The following AGBL1 variants were observed in gnomAD, a reference collection of about 807,000 sequenced individuals.
The protein encoded by AGBL1 is AGBL carboxypeptidase 1, also known as cytosolic carboxypeptidase 4.
AGBL1 carries 130 observed loss-of-function variants against 118.9 expected under a neutral mutation model. That is an observed-to-expected ratio of 1.09 (90% confidence interval 0.95 to 1.26). The LOEUF (loss-of-function observed/expected upper bound fraction) is 1.26, where lower values mean the gene tolerates loss of function less well. Ranked by LOEUF, AGBL1 falls within the 50% of genes most tolerant of loss-of-function variation. The probability of loss-of-function intolerance (pLI) is 0.00; values close to 1 mark genes in which losing one functional copy is unlikely to be tolerated. For missense variants in AGBL1, 1,584 were observed against 1,298.1 expected, an observed-to-expected ratio of 1.22 and a Z score of -3.38; for synonymous variants, 555 against 478.9, an observed-to-expected ratio of 1.16 and a Z score of -2.08.
intron 17 of AGBL1, among the ~76,000 whole-genome samples, chr15:86,353,446 G>A (rs972962663): frequency 6.6e-6 from 1 of 152,182 alleles, no homozygotes; most frequent in Non-Finnish European, 1.5e-5. Context: ...ATTTCCTAAT[G>A]AAAGGAAAAG....
At chr15:86,919,643 A>C (rs964923546), downstream of AGBL1, among the ~76,000 whole-genome samples, 16 of 151,810 alleles carry the variant, frequency 1.1e-4, no homozygotes, top group African/African-American at 3.9e-4. Context: ...CTCTTATATG[A>C]ATGAAGAAAA....
chr15:86,307,956 T>C (rs1177618931), intron 17 of AGBL1, among the ~76,000 whole-genome samples: 1 of 152,150 alleles, frequency 6.6e-6, no homozygotes, highest in Non-Finnish European at 1.5e-5. Flanking sequence ...GTAACTACCA[T>C]CCTGAATTCT....
intron 22 of AGBL1, among the ~76,000 whole-genome samples, chr15:86,705,302 C>G (rs955519718): frequency 6.6e-6 from 1 of 152,184 alleles, no homozygotes; most frequent in South Asian, 2.1e-4. Flanking sequence ...TGAAACAAAA[C>G]AAAACAAAAC....
At chr15:86,559,012 C>T (rs576002681) in intron 21 of AGBL1, among the ~76,000 whole-genome samples, 3 of 152,186 alleles carry the variant, frequency 2.0e-5, no homozygotes, top group Non-Finnish European at 4.4e-5. Context: ...TCGTGCCTTT[C>T]TTTGAGCTTC....
chr15:86,938,532 T>A (rs940020598), intron 23 of AGBL1, among the ~76,000 whole-genome samples: 2 of 152,166 alleles, frequency 1.3e-5, no homozygotes, highest in Non-Finnish European at 2.9e-5. Context: ...CCAACTAATA[T>A]GGAAGAATGG....
Position 86,621,699 on chromosome 15 carries a change from G to A in AGBL1, c.2995-52574G>A, listed in dbSNP as rs867554552. Among the ~76,000 whole-genome samples the A allele has an allele frequency of 2.0e-4, 30 of 152,182 alleles. 1 individual carries two copies. The highest frequency in any genetic ancestry group is 2.9e-4 in the African/African-American group (12 of 41,442). On this transcript the variant is annotated intron_variant, in intron 21 of 22. Coordinates refer to ENST00000614907, the MANE Select transcript of AGBL1 (RefSeq NM_001386094.1). ...CTGGGATTTAGGACTTGGAGATATC[G>A]TTTGGAAGGATACTATTCAATGCGA...
At chr15:86,572,717 G>T (rs2084028203) in intron 21 of AGBL1, among the ~76,000 whole-genome samples, 1 of 152,214 alleles carries the variant, frequency 6.6e-6, no homozygotes. Context: ...CGCCACAGCT[G>T]CTCCCGCAGC....
At position 86,142,087 on chromosome 15, in the gene AGBL1, A is replaced by C; in HGVS notation, c.115+20A>C. On this transcript the variant is annotated intron_variant, in intron 2 of 22. Transcript: ENST00000614907. The stretch of plus-strand genomic sequence containing the variant: ...CTGTTGGTGAGTAGGCCATGCTCTC[A>C]TGCTTTCATATGGCGGATGTGGAGC... The C allele has an allele frequency of 1.3e-6, 2 of 1,548,922 alleles. No homozygotes were observed. Among genetic ancestry groups the C allele is most frequent in the Non-Finnish European group, 1.7e-6 (2 of 1,146,056 alleles).
chr15:86,832,857 C>T (rs916995472), intron 22 of AGBL1, among the ~76,000 whole-genome samples: 6 of 152,170 alleles, frequency 3.9e-5, no homozygotes, highest in Non-Finnish European at 8.8e-5. Flanking sequence ...TACCAATTTA[C>T]TGTATTAGTC....
At chr15:86,800,936 G>T (rs920770254) in intron 22 of AGBL1, among the ~76,000 whole-genome samples, 2 of 152,034 alleles carry the variant, frequency 1.3e-5, no homozygotes, top group Non-Finnish European at 2.9e-5. Flanking sequence ...CATTTTAAGG[G>T]GTGAGATGCA....
chr15:86,394,159 T>C (rs1335344518), intron 17 of AGBL1, among the ~76,000 whole-genome samples: 1 of 152,148 alleles, frequency 6.6e-6, no homozygotes, highest in Non-Finnish European at 1.5e-5. Context: ...TCATCTCATG[T>C]TAAAAATGGT....
chr15:86,291,138 C>G (rs2079538816), intron 16 of AGBL1, among the ~76,000 whole-genome samples: 1 of 152,098 alleles, frequency 6.6e-6, no homozygotes. Flanking sequence ...TCCTTATTTT[C>G]AATAAAGATA....
intron 18 of AGBL1, among the ~76,000 whole-genome samples, chr15:86,422,622 A>T (rs1226296731): frequency 6.6e-6 from 1 of 152,178 alleles, no homozygotes; most frequent in East Asian, 1.9e-4. Flanking sequence ...AGAGACATGA[A>T]AAACCCTTCA....
At chr15:86,158,901 G>A (rs1317914479) in intron 4 of AGBL1, 32 bp from the exon 5 acceptor site, 2 of 1,598,970 alleles carry the variant, frequency 1.3e-6, no homozygotes, top group South Asian at 1.1e-5. Context: ...ATCCACTTGT[G>A]ACCATAACTA....
At chr15:86,632,074 C>T (rs906034468) in intron 21 of AGBL1, among the ~76,000 whole-genome samples, 3 of 150,336 alleles carry the variant, frequency 2.0e-5, no homozygotes, top group Admixed American at 6.7e-5. Context: ...GGGCAGTCTG[C>T]GCAAGCCTAG....
chr15:86,991,724 C>T (rs2081337697), intron 24 of AGBL1, among the ~76,000 whole-genome samples: 1 of 152,136 alleles, frequency 6.6e-6, no homozygotes, highest in Non-Finnish European at 1.5e-5. Flanking sequence ...TGTCAATTCT[C>T]TCTGACTTTA....
intron 1 of AGBL1, among the ~76,000 whole-genome samples, chr15:86,129,872 A>G (rs1010164016): frequency 6.6e-6 from 1 of 152,134 alleles, no homozygotes; most frequent in Admixed American, 6.6e-5. Context: ...TGTGGGGTGG[A>G]CAGAAAGGCA....
At chr15:86,125,371 C>T (rs562952142) in intron 1 of AGBL1, among the ~76,000 whole-genome samples, 8 of 152,240 alleles carry the variant, frequency 5.3e-5, no homozygotes, top group African/African-American at 1.2e-4. Flanking sequence ...TCTCAACTTC[C>T]GTTAACCATT....
intron 22 of AGBL1, among the ~76,000 whole-genome samples, chr15:86,831,110 A>G (rs2079098292): frequency 6.6e-6 from 1 of 152,128 alleles, no homozygotes; most frequent in Non-Finnish European, 1.5e-5. Context: ...CCTGAGACTT[A>G]TTCACTACCA....
Sources: gnomAD v4.1 joint callset for allele counts (sites outside exome capture counted in the v4.1 genomes callset) on GRCh38, gnomAD v4.1.1 for gene constraint, MANE v1.5 for transcripts, NCBI Gene and HGNC (gene_info 2026-07-23, HGNC 2026-07-21) for gene names.